Variants in KCNMB2 observed in about 807,000 individuals in gnomAD.
KCNMB2 encodes potassium calcium-activated channel subfamily M regulatory beta subunit 2, also known as calcium-activated potassium channel subunit beta-2.
In KCNMB2, 9 loss-of-function variants were observed where a neutral mutation model predicts 24.5. That is an observed-to-expected ratio of 0.37 (90% CI 0.22 to 0.64). KCNMB2 has a LOEUF of 0.64. KCNMB2 is among the 30% of genes least tolerant of loss of function. KCNMB2 has a pLI of 0.63. For missense variants in KCNMB2, 226 were observed against 284.3 expected (o/e 0.79, Z 1.47); for synonymous variants, 109 against 104.4 (o/e 1.04, Z -0.27).
chr3:178,563,654 G>A (rs539151348), intron 1 of KCNMB2, among the ~76,000 whole-genome samples: 1 of 152,280 alleles, frequency 6.6e-6, no homozygotes, highest in African/African-American at 2.4e-5. Context: ...TAAGTACCCA[G>A]GAAAAATGAA....
At chr3:178,807,717 G>A (rs1289775400) in intron 2 of KCNMB2, among the ~76,000 whole-genome samples, 1 of 152,082 alleles carries the variant, frequency 6.6e-6, no homozygotes, top group East Asian at 1.9e-4. Flanking sequence ...TCTTTGCTTA[G>A]CTAACTCCAG....
At chr3:178,618,628 T>C (rs1243672936) in intron 1 of KCNMB2, among the ~76,000 whole-genome samples, 1 of 152,186 alleles carries the variant, frequency 6.6e-6, no homozygotes, top group African/African-American at 2.4e-5. Flanking sequence ...CAGAAACCTA[T>C]TTTTGGAAAA....
At chr3:178,701,657 A>G (rs2108340850) in intron 1 of KCNMB2, among the ~76,000 whole-genome samples, 2 of 152,348 alleles carry the variant, frequency 1.3e-5, no homozygotes, top group Middle Eastern at 6.8e-3. Flanking sequence ...GCCAACAGAC[A>G]CATGAAAAAA....
At chr3:178,596,171 C>T (rs906745370) in intron 1 of KCNMB2, among the ~76,000 whole-genome samples, 1 of 152,138 alleles carries the variant, frequency 6.6e-6, no homozygotes, top group Non-Finnish European at 1.5e-5. Context: ...TAGACGCCTT[C>T]CTTTTGTTAA....
At chr3:178,837,383 G>A (rs1447483501) in intron 4 of KCNMB2, among the ~76,000 whole-genome samples, 1 of 152,090 alleles carries the variant, frequency 6.6e-6, no homozygotes, top group Non-Finnish European at 1.5e-5. Flanking sequence ...TTGATTCTGA[G>A]AGGCCACATA....
At chr3:178,798,208 G>T (rs1458981313) in intron 1 of KCNMB2, among the ~76,000 whole-genome samples, 1 of 152,122 alleles carries the variant, frequency 6.6e-6, no homozygotes, top group Non-Finnish European at 1.5e-5. Context: ...TCCTTGTCTT[G>T]TGCTGGTTTT....
At chr3:178,672,634 C>A (rs1720941720) in intron 1 of KCNMB2, among the ~76,000 whole-genome samples, 1 of 152,210 alleles carries the variant, frequency 6.6e-6, no homozygotes, top group South Asian at 2.1e-4. Flanking sequence ...CTAACACTGA[C>A]TTCGTGACTT....
chr3:178,721,744 T>C (rs1163504932), intron 1 of KCNMB2, among the ~76,000 whole-genome samples: 1 of 152,178 alleles, frequency 6.6e-6, no homozygotes, highest in Non-Finnish European at 1.5e-5. Context: ...AAGTATTAAT[T>C]GTCAGTGTGT....
At chr3:178,568,839 AGAT>A (rs1716649508) in intron 1 of KCNMB2, among the ~76,000 whole-genome samples, 1 of 78,580 alleles carries the variant, frequency 1.3e-5, no homozygotes, top group African/African-American at 4.0e-5. Context: ...GATGATAGAT[AGAT>A]AGATAGATAG....
intron 1 of KCNMB2, among the ~76,000 whole-genome samples, chr3:178,630,187 C>A (rs1171905312): frequency 6.6e-6 from 1 of 152,164 alleles, no homozygotes; most frequent in Non-Finnish European, 1.5e-5. Context: ...TCTGTTTACA[C>A]CAAGACCATG....
intron 1 of KCNMB2, among the ~76,000 whole-genome samples, chr3:178,743,327 G>A (rs1445410469): frequency 1.3e-5 from 2 of 152,120 alleles, no homozygotes; most frequent in South Asian, 2.1e-4. Flanking sequence ...AACAGATTAC[G>A]ATGGTAACCT....
chr3:178,662,584 G>C (rs1720571977), intron 1 of KCNMB2, among the ~76,000 whole-genome samples: 1 of 152,066 alleles, frequency 6.6e-6, no homozygotes, highest in Non-Finnish European at 1.5e-5. Flanking sequence ...CCCAGGCTTA[G>C]AAAACATTTG....
At chr3:178,669,596 C>A (rs568679744) in intron 1 of KCNMB2, among the ~76,000 whole-genome samples, 1 of 152,104 alleles carries the variant, frequency 6.6e-6, no homozygotes, top group African/African-American at 2.4e-5. Flanking sequence ...TGGCTAAATT[C>A]TAAAGATAAT....
intron 1 of KCNMB2, among the ~76,000 whole-genome samples, chr3:178,754,177 T>C (rs9879381): frequency 0.044 from 5,107 of 117,004 alleles, 216 homozygotes; most frequent in East Asian, 0.12. Context: ...TATATATATA[T>C]ACACACACAC....
chr3:178,652,118 G>A (rs7633702), intron 1 of KCNMB2, among the ~76,000 whole-genome samples: 25,627 of 151,906 alleles, frequency 0.17, 3,273 homozygotes, highest in African/African-American at 0.37. Flanking sequence ...AGAAACTGTC[G>A]TCAGAGTGAA....
chr3:178,827,284 AG>A lies in KCNMB2; in HGVS notation c.228-892del, dbSNP rs527923863. Among the ~76,000 whole-genome samples the A allele has an allele frequency of 3.1e-3, 469 of 152,290 alleles. 2 individuals carry two copies. Among genetic ancestry groups the A allele is most frequent in the Middle Eastern group, 0.01 (3 of 294 alleles). On this transcript the variant is annotated intron_variant, in intron 3 of 4. Coordinates refer to ENST00000452583, the MANE Select transcript of KCNMB2 (RefSeq NM_181361.3). ...ACCAATGGGCAGCTGGAATCCTTCC[AG>A]GTGAGAGATAACAGGGCACCCTTAT...
chr3:178,574,802 T>C (rs1716932413), intron 1 of KCNMB2, among the ~76,000 whole-genome samples: 1 of 152,194 alleles, frequency 6.6e-6, no homozygotes, highest in African/African-American at 2.4e-5. Flanking sequence ...GCGTGGTGGC[T>C]TATGCCTGTA....
intron 1 of KCNMB2, among the ~76,000 whole-genome samples, chr3:178,792,051 C>A (rs1052466560): frequency 2.6e-5 from 4 of 152,046 alleles, no homozygotes; most frequent in Admixed American, 6.5e-5. Flanking sequence ...TCTCAAGGTA[C>A]AAAATCCACT....
chr3:178,709,718 T>C (rs1722389360), intron 1 of KCNMB2, among the ~76,000 whole-genome samples: 2 of 152,162 alleles, frequency 1.3e-5, no homozygotes, highest in Admixed American at 1.3e-4. Flanking sequence ...TTAGTGGAAG[T>C]TGAGAATTTT....
Sources: allele counts gnomAD v4.1 joint callset (sites outside exome capture counted in the v4.1 genomes callset), GRCh38; gene constraint gnomAD v4.1.1; transcripts MANE v1.5; gene names NCBI Gene and HGNC (gene_info 2026-07-23, HGNC 2026-07-21).